EPHB1: variants seen among roughly 807,000 people sequenced by gnomAD.
EPHB1 encodes EPH receptor B1, also known as ephrin type-B receptor 1.
In EPHB1, 30 loss-of-function variants were observed where a neutral mutation model predicts 94.4. That is an observed-to-expected ratio of 0.32 (90% CI 0.24 to 0.43). The LOEUF is 0.43. Among genes scored for constraint, EPHB1 ranks in the 20% least tolerant of loss-of-function variants. EPHB1 has a pLI of 1.00. For missense variants in EPHB1, 1,055 were observed against 1,308.3 expected (o/e 0.81, Z 2.99); for synonymous variants, 522 against 489.1 (o/e 1.07, Z -0.89).
At chr3:135,063,076 T>C (rs2107777922) in intron 3 of EPHB1, among the ~76,000 whole-genome samples, 1 of 152,324 alleles carries the variant, frequency 6.6e-6, no homozygotes, top group Admixed American at 6.5e-5. Context: ...CCATGCTGTT[T>C]TGGTGACTGT....
Position 135,166,017 on chromosome 3 carries a change from G to A in EPHB1, c.1635G>A (p.Ser545=), listed in dbSNP as rs375267802. The A allele has an allele frequency of 6.3e-5, 102 of 1,613,926 alleles. No homozygotes were observed. The African/African-American group carries it at 9.9e-4, about 16-fold the overall frequency. Reference sequence around the variant, plus strand: ...AGCAGCTGCCCCTGATTGCTGGCTCGGCAGCGGCCGGGGTCGTGTTCGTTG... The same window carrying A: ...AGCAGCTGCCCCTGATTGCTGGCTCAGCAGCGGCCGGGGTCGTGTTCGTTG... ...LREQLPLIAG[S]AAAGVVFVVS... Residue 545 remains serine, a synonymous_variant, in exon 8 of 16, where the codon TCG becomes TCA. Transcript: ENST00000398015.
intron 3 of EPHB1, among the ~76,000 whole-genome samples, chr3:135,003,638 T>C (rs1935272130): frequency 6.6e-6 from 1 of 152,198 alleles, no homozygotes; most frequent in Non-Finnish European, 1.5e-5. Flanking sequence ...TGAATCTGGG[T>C]GCTCCTGTAT....
chr3:134,952,770 T>C (rs1012804608), intron 3 of EPHB1, among the ~76,000 whole-genome samples: 1 of 152,226 alleles, frequency 6.6e-6, no homozygotes. Flanking sequence ...ATATTAGCCA[T>C]CACTAGCACT....
chr3:134,980,882 C>T (rs1934376833), intron 3 of EPHB1, among the ~76,000 whole-genome samples: 1 of 152,158 alleles, frequency 6.6e-6, no homozygotes, highest in Non-Finnish European at 1.5e-5. Context: ...TTTCCTCTGC[C>T]ACAATCCTTC....
intron 4 of EPHB1, among the ~76,000 whole-genome samples, chr3:135,113,691 C>A (rs769173732): frequency 6.6e-6 from 1 of 152,160 alleles, no homozygotes; most frequent in Non-Finnish European, 1.5e-5. Flanking sequence ...GGCCATTGGT[C>A]GGTCCTTAAG....
At chr3:135,057,709 G>T (rs1937386748) in intron 3 of EPHB1, among the ~76,000 whole-genome samples, 1 of 152,146 alleles carries the variant, frequency 6.6e-6, no homozygotes, top group African/African-American at 2.4e-5. Flanking sequence ...GTGCACATAT[G>T]TCATAGGTAT....
intron 9 of EPHB1, among the ~76,000 whole-genome samples, chr3:135,172,283 T>A (rs547367774): frequency 1.6e-4 from 24 of 152,360 alleles, no homozygotes; most frequent in Non-Finnish European, 1.6e-4. Context: ...AAAGATGTTG[T>A]TGGCTTCATG....
chr3:135,225,467 C>CT (rs1943372582), intron 12 of EPHB1, among the ~76,000 whole-genome samples: 1 of 152,172 alleles, frequency 6.6e-6, no homozygotes, highest in African/African-American at 2.4e-5. Context: ...GTTCTCTAAC[C>CT]TTGGGAGACC....
At chr3:135,086,699 C>G (rs888450889) in intron 3 of EPHB1, among the ~76,000 whole-genome samples, 10 of 152,012 alleles carry the variant, frequency 6.6e-5, no homozygotes, top group Non-Finnish European at 1.2e-4. Context: ...ACTGCCTGTT[C>G]TCTCCCCACC....
Position 135,132,985 on chromosome 3 carries a change from A to T in EPHB1, c.1233A>T (p.Gly411=), listed in dbSNP as rs752078113. ...CCTTTGACATCCAGGCCATCAATGGAGTCTCCAGCAAGAGTCCCTTCCCCC... is the reference window on the plus strand; with the variant it reads ...CCTTTGACATCCAGGCCATCAATGGTGTCTCCAGCAAGAGTCCCTTCCCCC... ...PYTFDIQAIN[G]VSSKSPFPPQ... The change falls in exon 5 of 16, where the codon GGA becomes GGT. Residue 411 remains glycine (G), a synonymous_variant. Transcript: ENST00000398015. 2.5e-6 allele frequency: 4 copies of T among 1,613,144 alleles called. No individual in the cohort carries two copies. The highest frequency in any genetic ancestry group is 3.4e-6 in the Non-Finnish European group (4 of 1,179,158).
At chr3:134,893,531 C>G (rs527453834) in intron 1 of EPHB1, among the ~76,000 whole-genome samples, 1 of 152,256 alleles carries the variant, frequency 6.6e-6, no homozygotes, top group African/African-American at 2.4e-5. Context: ...AAGAGCCTTG[C>G]ACTTGCTCGG....
At chr3:135,257,606 C>T (rs1302203018) in intron 15 of EPHB1, among the ~76,000 whole-genome samples, 5 of 151,766 alleles carry the variant, frequency 3.3e-5, no homozygotes, top group African/African-American at 1.2e-4. Flanking sequence ...CTGGGAGAAC[C>T]ACTGCTCTCT....
At position 134,831,254 on chromosome 3, in the gene EPHB1, C is replaced by A. The variant is rs890470363; in HGVS notation, c.58+35565C>A. Among the ~76,000 whole-genome samples, 6 of 152,192 alleles carry A rather than the reference C, an allele frequency of 3.9e-5. No homozygotes were observed. The East Asian group carries it at 5.8e-4, about 15-fold the overall frequency. ...TAACCTGTCCTGGAGCAGAGGAGGG[C>A]AGCTGGGAGACCAGGAGTGGGCCCA... On this transcript the variant is annotated intron_variant, in intron 1 of 15. Coordinates refer to ENST00000398015, the MANE Select transcript of EPHB1 (RefSeq NM_004441.5).
At chr3:134,825,941 A>G (rs2036468858) in intron 1 of EPHB1, among the ~76,000 whole-genome samples, 1 of 151,938 alleles carries the variant, frequency 6.6e-6, no homozygotes, top group African/African-American at 2.4e-5. Flanking sequence ...TTCAACTATC[A>G]TCTATAAAAG....
At chr3:135,041,416 C>T (rs1936839032) in intron 3 of EPHB1, among the ~76,000 whole-genome samples, 1 of 152,140 alleles carries the variant, frequency 6.6e-6, no homozygotes, top group African/African-American at 2.4e-5. Flanking sequence ...GTAAAGATAC[C>T]TCCTCACATG....
chr3:135,005,723 A>T (rs1935380312), intron 3 of EPHB1, among the ~76,000 whole-genome samples: 3 of 152,194 alleles, frequency 2.0e-5, no homozygotes, highest in Admixed American at 6.5e-5. Context: ...CCGATTTTCC[A>T]GGTGCCGTCC....
At chr3:135,104,050 A>T (rs1443787566) in intron 3 of EPHB1, among the ~76,000 whole-genome samples, 1 of 152,230 alleles carries the variant, frequency 6.6e-6, no homozygotes, top group African/African-American at 2.4e-5. Flanking sequence ...CTGGTACATT[A>T]AGAAAATTAC....
chr3:135,231,333 T>C (rs1943526919), intron 12 of EPHB1, among the ~76,000 whole-genome samples: 1 of 152,208 alleles, frequency 6.6e-6, no homozygotes, highest in African/African-American at 2.4e-5. Flanking sequence ...GCCCAGTCAG[T>C]ATAGTACAGA....
chr3:135,010,969 T>A (rs1935600831), intron 3 of EPHB1, among the ~76,000 whole-genome samples: 2 of 152,330 alleles, frequency 1.3e-5, no homozygotes, highest in African/African-American at 4.8e-5. Flanking sequence ...TTTATGTTAC[T>A]TTTTGTTTGA....
Sources: gnomAD v4.1 joint callset for allele counts (sites outside exome capture counted in the v4.1 genomes callset) on GRCh38, gnomAD v4.1.1 for gene constraint, MANE v1.5 for transcripts, NCBI Gene and HGNC (gene_info 2026-07-23, HGNC 2026-07-21) for gene names.